Variants in RGS12 observed in about 807,000 individuals in gnomAD.
The protein encoded by RGS12 is regulator of G-protein signaling 12.
A neutral mutation model predicts 120.1 loss-of-function variants in RGS12; 66 were observed. The observed-to-expected ratio is 0.55, with a 90% confidence interval of 0.45 to 0.67. The LOEUF is 0.67. Among genes scored for constraint, RGS12 ranks in the 30% least tolerant of loss-of-function variants. The pLI is 0.00. For synonymous variants in RGS12, 827 were observed against 804.7 expected (o/e 1.03, Z -0.47); for missense variants, 1,859 against 1,957.7 (o/e 0.95, Z 0.95).
chr4:3,286,866 C>G, the RGS12 span, among the ~76,000 whole-genome samples: 4 of 152,208 alleles, frequency 2.6e-5, no homozygotes, highest in South Asian at 2.1e-4. Context: ...AATGGGAGCC[C>G]GGTCAGCAGT....
At position 3,416,963 on chromosome 4, in the gene RGS12, G is replaced by A. The variant is rs1722469506; in HGVS notation, c.2478G>A (p.Pro826=). Residue 826 remains proline (P), a synonymous_variant, in exon 8 of 18, where the codon CCG becomes CCA. Coordinates refer to ENST00000336727, the MANE Select transcript of RGS12 (RefSeq NM_001394154.1). ...FDSYTRFLKS[P]LYQECILAEV... Reference sequence around the variant, plus strand: ...GCTACACTCGCTTTCTGAAGTCCCCGCTGTACCAGGAATGCATCCTGGCGG... The same window carrying A: ...GCTACACTCGCTTTCTGAAGTCCCCACTGTACCAGGAATGCATCCTGGCGG... 1.2e-6 allele frequency: 2 copies of A among 1,612,164 alleles called. No individual in the cohort carries two copies. Among genetic ancestry groups the A allele is most frequent in the South Asian group, 1.1e-5 (1 of 91,044 alleles).
chr4:3,414,963 CGT>C (rs1722190263), intron 6 of RGS12, 119 bp downstream of exon 6: 2 of 422,364 alleles, frequency 4.7e-6, no homozygotes, highest in East Asian at 8.1e-5. Context: ...GTGTGAGGGG[CGT>C]GAGAGGGGCG....
intron 2 of RGS12, chr4:3,342,509 A>G: frequency 7.7e-7 from 1 of 1,290,928 alleles, no homozygotes; most frequent in Non-Finnish European, 1.0e-6. Flanking sequence ...AAATTATGAA[A>G]AAGCACGACT....
chr4:3,358,637 T>C lies in RGS12; in HGVS notation c.1998+15584T>C, dbSNP rs745661073. ...AATGGGGTGTATTACAATGATTGAT[T>C]TTTCATATGTTGAATTACCCTTGCA... is the stretch of plus-strand genomic sequence containing the variant. On this transcript the variant is annotated intron_variant, in intron 3 of 17. Coordinates refer to ENST00000336727, the MANE Select transcript of RGS12 (RefSeq NM_001394154.1). Among the ~76,000 whole-genome samples the C allele has an allele frequency of 2.1e-4, 32 of 152,102 alleles. 1 individual carries two copies. Among genetic ancestry groups the C allele is most frequent in the Non-Finnish European group, 4.4e-5 (3 of 68,004 alleles).
chr4:3,312,461 T>C (rs1239325983), intron 1 of RGS12: 2 of 215,204 alleles, frequency 9.3e-6, no homozygotes, highest in Non-Finnish European at 2.0e-5. Flanking sequence ...GAGGGTTGCG[T>C]TCCTGCGTTC....
chr4:3,292,873 C>T (rs1458958179), upstream of RGS12, among the ~76,000 whole-genome samples: 4 of 151,802 alleles, frequency 2.6e-5, 1 homozygote, highest in African/African-American at 9.6e-5. Context: ...GACGCGAAGG[C>T]CCTCGCCCCG....
intron 4 of RGS12, among the ~76,000 whole-genome samples, chr4:3,387,260 G>A (rs1404620824): frequency 6.6e-6 from 1 of 152,228 alleles, no homozygotes; most frequent in Non-Finnish European, 1.5e-5. Context: ...GGGCCGGTGG[G>A]TTTGAGGTGC....
At chr4:3,323,688 G>A (rs1725357513) in intron 2 of RGS12, among the ~76,000 whole-genome samples, 2 of 152,082 alleles carry the variant, frequency 1.3e-5, no homozygotes, top group African/African-American at 4.8e-5. Context: ...ATAATAAGCT[G>A]GATTGCAGTA....
At chr4:3,429,911 G>A (rs372507250) in intron 16 of RGS12, among the ~76,000 whole-genome samples, 3 of 152,128 alleles carry the variant, frequency 2.0e-5, no homozygotes, top group Admixed American at 6.5e-5. Flanking sequence ...CAGACCACCC[G>A]TCTCAGGGCC....
chr4:3,427,671 G>T (rs112497649), intron 14 of RGS12, among the ~76,000 whole-genome samples: 1 of 152,190 alleles, frequency 6.6e-6, no homozygotes, highest in South Asian at 2.1e-4. Context: ...AGGATGCGGG[G>T]GTTGCAGTGA....
At chr4:3,377,274 G>A (rs1299508114) in intron 3 of RGS12, among the ~76,000 whole-genome samples, 2 of 152,186 alleles carry the variant, frequency 1.3e-5, no homozygotes, top group East Asian at 3.8e-4. Flanking sequence ...GTCTTGCCAT[G>A]TTGCCCAGGC....
chr4:3,362,583 T>TGAGGGTGTGTGTGAGGGTGC (rs1715731739), intron 3 of RGS12, among the ~76,000 whole-genome samples: 1 of 130,012 alleles, frequency 7.7e-6, no homozygotes, highest in Non-Finnish European at 1.6e-5. Context: ...TGTGAGGGTG[T>TGAGGGTGTGTGTGAGGGTGC]GAGGGTGTGT....
At chr4:3,307,983 T>C (rs1478027363) in intron 1 of RGS12, among the ~76,000 whole-genome samples, 1 of 152,224 alleles carries the variant, frequency 6.6e-6, no homozygotes, top group African/African-American at 2.4e-5. Context: ...TGGGGGCGCC[T>C]GGGCAGAGGA....
chr4:3,317,583 C>G lies in RGS12; in HGVS notation c.1413C>G (p.Pro471=). Residue 471 remains proline, a synonymous_variant, in exon 2 of 18, where the codon CCC becomes CCG. Coordinates refer to ENST00000336727, the MANE Select transcript of RGS12 (RefSeq NM_001394154.1). ...GGGGTGCCCAGCCCTGGGGTGCTCCCTGGACTGGGCCCTTCTGTCCGGACC... is the reference window on the plus strand; with the variant it reads ...GGGGTGCCCAGCCCTGGGGTGCTCCGTGGACTGGGCCCTTCTGTCCGGACC... ...GGRGAQPWGA[P]WTGPFCPDPE... The G allele has an allele frequency of 1.9e-6, 3 of 1,598,346 alleles. No individual in the cohort carries two copies. The Middle Eastern group carries it at 5.0e-4, about 267-fold the overall frequency.
chr4:3,408,503 T>C (rs1266967435), intron 4 of RGS12, among the ~76,000 whole-genome samples: 1 of 152,188 alleles, frequency 6.6e-6, no homozygotes, highest in Non-Finnish European at 1.5e-5. Context: ...TCGTAAAAAT[T>C]CACCAGGAGA....
At chr4:3,361,297 C>T (rs187742474) in intron 3 of RGS12, among the ~76,000 whole-genome samples, 2 of 152,216 alleles carry the variant, frequency 1.3e-5, no homozygotes, top group African/African-American at 4.8e-5. Context: ...TCATTGTGAA[C>T]GGGGTGAGGG....
chr4:3,343,147 G>C, intron 3 of RGS12, 94 bp downstream of exon 3: 1 of 839,484 alleles, frequency 1.2e-6, no homozygotes, highest in Non-Finnish European at 2.0e-6. Flanking sequence ...TTGAGTCCCT[G>C]TGGTCCCCTC....
chr4:3,286,795 T>G, the RGS12 span, among the ~76,000 whole-genome samples: 1 of 152,292 alleles, frequency 6.6e-6, no homozygotes, highest in African/African-American at 2.4e-5. Flanking sequence ...AACGGGCATG[T>G]GCAGGGTTGT....
At chr4:3,415,069 G>A (rs188329987) in intron 6 of RGS12, among the ~76,000 whole-genome samples, 33 of 144,848 alleles carry the variant, frequency 2.3e-4, no homozygotes, top group East Asian at 1.5e-3. Context: ...TGTGAGGGGC[G>A]TGTGAGGTCG....
Sources: gnomAD v4.1 joint callset for allele counts (sites outside exome capture counted in the v4.1 genomes callset) on GRCh38, gnomAD v4.1.1 for gene constraint, MANE v1.5 for transcripts, NCBI Gene and HGNC (gene_info 2026-07-23, HGNC 2026-07-21) for gene names.